LIN7B: variants seen among roughly 807,000 people sequenced by gnomAD.
LIN7B encodes the protein lin-7 cell polarity scaffold B.
LIN7B carries 16 observed loss-of-function variants against 27.9 expected under a neutral mutation model. That is an observed-to-expected ratio of 0.57 (90% CI 0.39 to 0.87). The LOEUF (loss-of-function observed/expected upper bound fraction) is 0.87. Among genes scored for constraint, LIN7B ranks in the 40% least tolerant of loss-of-function variants. LIN7B has a pLI of 0.00. For synonymous variants in LIN7B, 147 were observed against 120.8 expected, an observed-to-expected ratio of 1.22 and a Z score of -1.42; for missense variants, 291 against 288.5, an observed-to-expected ratio of 1.01 and a Z score of -0.06.
In LIN7B at chr19:49,115,332, G is replaced by C; in HGVS notation, c.228+1G>C. On this transcript the variant is annotated splice_donor_variant, in intron 3 of 5. Transcript: ENST00000221459. LOFTEE classifies it high-confidence loss of function. ...GATCCGAGCCCATGCCACAGCCAAGGTGGGCCCCGCACCCCATTGCTCCTG... is the reference window on the plus strand; with the variant it reads ...GATCCGAGCCCATGCCACAGCCAAGCTGGGCCCCGCACCCCATTGCTCCTG... 6.4e-7 allele frequency: 1 copy of C among 1,569,702 alleles called. No homozygotes were observed. Among genetic ancestry groups the C allele is most frequent in the Non-Finnish European group, 8.6e-7 (1 of 1,156,298 alleles).
At position 49,116,492 on chromosome 19, in the gene LIN7B, A is replaced by C; in HGVS notation, c.438+20A>C. 1 of 1,605,996 alleles carries C rather than the reference A, an allele frequency of 6.2e-7. No homozygotes were observed. The highest frequency in any genetic ancestry group is 8.5e-7 in the Non-Finnish European group (1 of 1,173,490). On this transcript the variant is annotated intron_variant, in intron 4 of 5. Transcript: ENST00000221459. ...GGTGTGGTGAGTGGAGGGCTGAGGC[A>C]GGACTGGGGGACACAGTCTGTCTAA...
At chr19:49,115,844 AAGAAAG>A (rs2040817082) in intron 3 of LIN7B, 1 of 149,292 alleles carries the variant, frequency 6.7e-6, no homozygotes, top group South Asian at 1.9e-4. Context: ...AAAAAAAAAA[AAGAAAG>A]AAAAAGCCGA....
At position 49,114,937 on chromosome 19, in the gene LIN7B, G is replaced by A. The variant is rs2040800525; in HGVS notation, c.126G>A (p.Leu42=). The change falls in exon 2 of 6, where the codon CTG becomes CTA. Residue 42 remains leucine (L), a synonymous_variant. Coordinates refer to ENST00000221459, the MANE Select transcript of LIN7B (RefSeq NM_022165.3). The stretch of plus-strand genomic sequence containing the variant: ...AGCTGCAGGCCCTCCAGCGAGTTCT[G>A]CAGAGCCGCTTCTGCTCCGCTATCC... ...PQKLQALQRV[L]QSRFCSAIRE... The A allele has an allele frequency of 1.4e-6, 2 of 1,453,306 alleles. No individual in the cohort carries two copies. The highest frequency in any genetic ancestry group is 1.5e-5 in the African/African-American group (1 of 68,146). 90.0% of individuals were successfully genotyped at this position (1,453,306 alleles called of 1,614,324 possible).
At chr19:49,115,085 G>C (rs1393339859) in intron 2 of LIN7B, 118 bp downstream of exon 2, 3 of 899,040 alleles carry the variant, frequency 3.3e-6, no homozygotes, top group Non-Finnish European at 4.7e-6. Flanking sequence ...GGCCCGCCTT[G>C]GGGTGCCAAC....
intron 4 of LIN7B, among the ~76,000 whole-genome samples, chr19:49,117,257 AAAAAAAC>A (rs1161706715): frequency 4.8e-5 from 7 of 145,632 alleles, no homozygotes; most frequent in East Asian, 3.9e-4. Flanking sequence ...AAAAAAAAAA[AAAAAAAC>A]AAAACTCACT....
chr19:49,118,372 G>T lies in LIN7B; in HGVS notation c.623G>T (p.Ter208LeuextTer27). Residue 208 changes from the stop codon to leucine (L), a stop_lost, in exon 6 of 6, where the codon TGA becomes TTA. Transcript: ENST00000221459. ...TGCAGGTCCTTGGAGTCTCGAGGTT[G>T]AAACCACAGATCTGGACGTTCACGT... ...QSYSSLESRG[*>L] The T allele has an allele frequency of 6.2e-7, 1 of 1,614,158 alleles. No homozygotes were observed. Among genetic ancestry groups the T allele is most frequent in the Non-Finnish European group, 8.5e-7 (1 of 1,179,996 alleles).
At position 49,117,914 on chromosome 19, in the gene LIN7B, G is replaced by A; in HGVS notation, c.498G>A (p.Ser166=). The change falls in exon 5 of 6, where the codon TCG becomes TCA. Residue 166 remains serine, a synonymous_variant. Coordinates refer to ENST00000221459, the MANE Select transcript of LIN7B (RefSeq NM_022165.3). ...AGCTGCTGAAGGCGGCCCAGGGCTCGGTGAAGCTGGTTGTCCGTTACACAC... is the reference window on the plus strand; with the variant it reads ...AGCTGCTGAAGGCGGCCCAGGGCTCAGTGAAGCTGGTTGTCCGTTACACAC... The part of the protein sequence containing the change: ...AVELLKAAQG[S]VKLVVRYTPR... 5 of 1,613,998 alleles carry A rather than the reference G, an allele frequency of 3.1e-6. No homozygotes were observed. The highest frequency in any genetic ancestry group is 1.6e-4 in the Middle Eastern group (1 of 6,080).
At position 49,116,378 on chromosome 19, in the gene LIN7B, C is replaced by T. The variant is rs1471960625; in HGVS notation, c.344C>T (p.Ser115Leu). ...FNIMGGKEQN[S>L]PIYISRVIPG... ...ATCATGGGTGGCAAAGAGCAAAACT[C>T]GCCCATCTACATCTCCCGGGTCATC... The change falls in exon 4 of 6, where the codon TCG becomes TTG. Residue 115 changes from serine to leucine, a missense_variant. Coordinates refer to ENST00000221459, the MANE Select transcript of LIN7B (RefSeq NM_022165.3). 4 of 1,614,084 alleles carry T rather than the reference C, an allele frequency of 2.5e-6. No individual in the cohort carries two copies. Among genetic ancestry groups the T allele is most frequent in the Admixed American group, 1.7e-5 (1 of 60,008 alleles).
chr19:49,114,527 G>C, intron 1 of LIN7B, 86 bp downstream of exon 1: 1 of 1,074,336 alleles, frequency 9.3e-7, no homozygotes, highest in Non-Finnish European at 1.2e-6. Context: ...GGTCAGGCCA[G>C]TGCGGGTGGG....
chr19:49,118,098 C>A (rs1009214), intron 5 of LIN7B, 80 bp downstream of exon 5: 469,774 of 1,571,556 alleles, frequency 0.3, 72,721 homozygotes, highest in African/African-American at 0.35. Context: ...GCCAGTGCTT[C>A]CTGGATCTTC....
chr19:49,115,918 G>C (rs1220304324), intron 3 of LIN7B: 1 of 188,914 alleles, frequency 5.3e-6, no homozygotes, highest in African/African-American at 2.4e-5. Context: ...GCTGAGACAG[G>C]AGAATCGCTT....
rs1241019852 is a variant in LIN7B at position 49,117,793 on chromosome 19, C to G, written c.439-62C>G. ...GCTCACTAGCAGTGGGTCCCATCTC[C>G]CAGTGGGGGCTGGACGAGGGCAGCG... On this transcript the variant is annotated intron_variant, in intron 4 of 5. Coordinates refer to ENST00000221459, the MANE Select transcript of LIN7B (RefSeq NM_022165.3). The G allele has an allele frequency of 2.0e-6, 3 of 1,488,036 alleles. No homozygotes were observed. The African/African-American group carries it at 4.2e-5, about 21-fold the overall frequency. The allele number at this position is 1,488,036 out of a possible 1,614,324, so 92.2% of individuals were successfully genotyped here.
At chr19:49,118,088 G>A (rs2040863992) in intron 5 of LIN7B, 70 bp downstream of exon 5, 1 of 1,588,042 alleles carries the variant, frequency 6.3e-7, no homozygotes, top group Non-Finnish European at 8.6e-7. Flanking sequence ...CCCAAACCAG[G>A]CCAGTGCTTC....
At position 49,118,444 on chromosome 19, in the gene LIN7B, A is replaced by C. The variant is rs1215505865; in HGVS notation, c.*71A>C. 6 of 1,592,722 alleles carry C rather than the reference A, an allele frequency of 3.8e-6. No individual in the cohort carries two copies. In the Admixed American group the frequency reaches 5.0e-5, roughly 13 times the overall value. On this transcript the variant is annotated 3_prime_UTR_variant, in exon 6 of 6. Coordinates refer to ENST00000221459, the MANE Select transcript of LIN7B (RefSeq NM_022165.3). ...TTTATTGTTCCTGGCACTTTATTTA[A>C]AGATATTTGACCCTCACTGAGTGTC...
At chr19:49,118,117 G>C in intron 5 of LIN7B, 99 bp downstream of exon 5, 1 of 1,541,854 alleles carries the variant, frequency 6.5e-7, no homozygotes. Flanking sequence ...TCCAGCCCTG[G>C]CCCCTCCTCT....
intron 5 of LIN7B, 126 bp downstream of exon 5, chr19:49,118,144 ACCCTTGG>A (rs757096996): frequency 3.4e-6 from 5 of 1,476,134 alleles, no homozygotes; most frequent in African/African-American, 1.4e-5. Context: ...CTGACCCTTG[ACCCTTGG>A]CCCAGGCTCT....
At chr19:49,115,540 G>A in intron 3 of LIN7B, 1 of 561,506 alleles carries the variant, frequency 1.8e-6, no homozygotes, top group Non-Finnish European at 3.2e-6. Context: ...GTATGGCATG[G>A]TTGGTAGAAG....
Position 49,116,281 on chromosome 19 carries a change from A to T in LIN7B, c.247A>T (p.Thr83Ser), listed in dbSNP as rs566930551. Residue 83 changes from threonine (T) to serine (S), a missense_variant, in exon 4 of 6, where the codon ACA (threonine) becomes TCA (serine). Coordinates refer to ENST00000221459, the MANE Select transcript of LIN7B (RefSeq NM_022165.3). ...ATAKATVAAF[T>S]ASEGHAHPRV... Reference sequence around the variant, plus strand: ...CTCCCAGGCCACAGTGGCTGCCTTCACAGCCAGCGAGGGCCACGCACATCC... The same window carrying T: ...CTCCCAGGCCACAGTGGCTGCCTTCTCAGCCAGCGAGGGCCACGCACATCC... The T allele has an allele frequency of 4.3e-6, 7 of 1,613,482 alleles. No individual in the cohort carries two copies. The South Asian group carries it at 5.5e-5, about 13-fold the overall frequency.
chr19:49,118,199 C>T, intron 5 of LIN7B, 153 bp from the exon 6 acceptor site: 1 of 1,307,266 alleles, frequency 7.6e-7, no homozygotes, highest in Non-Finnish European at 1.1e-6. Context: ...CTGGGGAGCC[C>T]TTAGCTTCCT....
Sources: allele counts gnomAD v4.1 joint callset (sites outside exome capture counted in the v4.1 genomes callset), GRCh38; gene constraint gnomAD v4.1.1; transcripts MANE v1.5; gene names NCBI Gene and HGNC (gene_info 2026-07-23, HGNC 2026-07-21).